HS6ST3: variants seen among roughly 807,000 people sequenced by gnomAD.
HS6ST3 encodes the protein heparan-sulfate 6-O-sulfotransferase 3.
HS6ST3 carries 12 observed loss-of-function variants against 36.7 expected under a neutral mutation model. The observed-to-expected ratio is 0.33, with a 90% CI of 0.21 to 0.53. The LOEUF is 0.53. HS6ST3 is among the 20% of genes least tolerant of loss of function. The pLI is 0.95. For missense variants in HS6ST3, 584 were observed against 640.9 expected (o/e 0.91, Z 0.96); for synonymous variants, 240 against 257.5 (o/e 0.93, Z 0.65).
chr13:96,746,198 T>C (rs1457424612), intron 1 of HS6ST3, among the ~76,000 whole-genome samples: 1 of 152,086 alleles, frequency 6.6e-6, no homozygotes, highest in Non-Finnish European at 1.5e-5. Flanking sequence ...TATCTAACCT[T>C]CTTAATAACC....
At chr13:96,827,948 G>A (rs1274793798) in intron 1 of HS6ST3, among the ~76,000 whole-genome samples, 1 of 152,166 alleles carries the variant, frequency 6.6e-6, no homozygotes, top group Admixed American at 6.5e-5. Flanking sequence ...ATAATGGCAT[G>A]CCATATGATA....
chr13:96,176,660 C>T (rs538729409), intron 1 of HS6ST3, among the ~76,000 whole-genome samples: 12 of 152,216 alleles, frequency 7.9e-5, no homozygotes, highest in African/African-American at 2.9e-4. Flanking sequence ...CCACAAAATC[C>T]AAACTTTGAG....
chr13:96,194,123 G>A (rs528165111), intron 1 of HS6ST3, among the ~76,000 whole-genome samples: 32 of 152,150 alleles, frequency 2.1e-4, no homozygotes, highest in Admixed American at 1.7e-3. Flanking sequence ...CAAAGCCCTC[G>A]TCTCCCTTAT....
intron 1 of HS6ST3, among the ~76,000 whole-genome samples, chr13:96,516,643 A>G (rs1187907023): frequency 1.3e-5 from 2 of 152,232 alleles, no homozygotes; most frequent in Non-Finnish European, 2.9e-5. Flanking sequence ...ATAAAACAGC[A>G]GAAAACTCTT....
At chr13:96,756,934 T>A (rs887059642) in intron 1 of HS6ST3, among the ~76,000 whole-genome samples, 1 of 152,202 alleles carries the variant, frequency 6.6e-6, no homozygotes, top group Admixed American at 6.5e-5. Context: ...ATTTCTTTTC[T>A]TACAGTTTAT....
intron 1 of HS6ST3, among the ~76,000 whole-genome samples, chr13:96,627,760 T>A (rs2056518203): frequency 6.6e-6 from 1 of 151,936 alleles, no homozygotes; most frequent in African/African-American, 2.4e-5. Flanking sequence ...TTTGATGAGT[T>A]GTGTGTTCTA....
intron 1 of HS6ST3, among the ~76,000 whole-genome samples, chr13:96,342,446 A>G (rs2055135479): frequency 6.6e-6 from 1 of 152,234 alleles, no homozygotes; most frequent in African/African-American, 2.4e-5. Context: ...ACACATTCAT[A>G]GAGTTCCCCC....
At chr13:96,477,589 C>T (rs1212163213) in intron 1 of HS6ST3, among the ~76,000 whole-genome samples, 1 of 152,100 alleles carries the variant, frequency 6.6e-6, no homozygotes, top group African/African-American at 2.4e-5. Context: ...GTGTTACCGG[C>T]CGGGCACGGT....
chr13:96,411,952 A>T (rs1337327364), intron 1 of HS6ST3, among the ~76,000 whole-genome samples: 1 of 152,064 alleles, frequency 6.6e-6, no homozygotes, highest in Non-Finnish European at 1.5e-5. Context: ...GGAGAAGCAG[A>T]TTAGGAAATA....
At chr13:96,398,160 C>T (rs1392122722) in intron 1 of HS6ST3, among the ~76,000 whole-genome samples, 3 of 152,266 alleles carry the variant, frequency 2.0e-5, no homozygotes, top group Admixed American at 6.5e-5. Context: ...AAGCCCACTG[C>T]GTAGGAAGTG....
chr13:96,091,861 C>T (rs1036289472), intron 1 of HS6ST3, among the ~76,000 whole-genome samples: 3 of 152,162 alleles, frequency 2.0e-5, no homozygotes, highest in African/African-American at 7.2e-5. Context: ...CCTGGCCTCC[C>T]TCCCAGTGGA....
intron 1 of HS6ST3, among the ~76,000 whole-genome samples, chr13:96,103,867 C>T (rs567856052): frequency 3.3e-5 from 5 of 151,940 alleles, no homozygotes; most frequent in African/African-American, 1.2e-4. Flanking sequence ...TCATAAATGA[C>T]TTATCTAAGT....
At chr13:96,108,246 A>G (rs1472168075) in intron 1 of HS6ST3, among the ~76,000 whole-genome samples, 1 of 152,166 alleles carries the variant, frequency 6.6e-6, no homozygotes, top group Non-Finnish European at 1.5e-5. Flanking sequence ...ATAGGGATGA[A>G]ACACACCCTA....
intron 1 of HS6ST3, among the ~76,000 whole-genome samples, chr13:96,711,996 T>C (rs1875574698): frequency 6.6e-6 from 1 of 152,226 alleles, no homozygotes; most frequent in Non-Finnish European, 1.5e-5. Context: ...TTTCTTATAA[T>C]GATTCTCTGC....
intron 1 of HS6ST3, among the ~76,000 whole-genome samples, chr13:96,663,433 A>G (rs2056653362): frequency 6.6e-6 from 1 of 152,190 alleles, no homozygotes; most frequent in Admixed American, 6.5e-5. Flanking sequence ...AGGGAATGCA[A>G]ATTAAAGCCA....
chr13:96,436,649 C>A (rs1021308587), intron 1 of HS6ST3, among the ~76,000 whole-genome samples: 1 of 152,114 alleles, frequency 6.6e-6, no homozygotes, highest in Non-Finnish European at 1.5e-5. Context: ...GAAGAAATTT[C>A]ATCATATAAA....
intron 1 of HS6ST3, among the ~76,000 whole-genome samples, chr13:96,369,211 C>T (rs568193254): frequency 1.1e-4 from 16 of 152,190 alleles, no homozygotes; most frequent in Admixed American, 2.0e-4. Flanking sequence ...AGTGGGGTCA[C>T]GCCCTCTTGC....
intron 1 of HS6ST3, among the ~76,000 whole-genome samples, chr13:96,701,557 T>G (rs1875285415): frequency 6.6e-6 from 1 of 152,188 alleles, no homozygotes; most frequent in African/African-American, 2.4e-5. Context: ...CAAAATTTAA[T>G]ACTTAGAGCA....
intron 1 of HS6ST3, among the ~76,000 whole-genome samples, chr13:96,706,832 T>C (rs1180230326): frequency 6.6e-6 from 1 of 152,098 alleles, no homozygotes; most frequent in Admixed American, 6.6e-5. Flanking sequence ...ATTGTACCAA[T>C]AGATAAGATT....
Sources: gnomAD v4.1 joint callset for allele counts (sites outside exome capture counted in the v4.1 genomes callset) on GRCh38, gnomAD v4.1.1 for gene constraint, MANE v1.5 for transcripts, NCBI Gene and HGNC (gene_info 2026-07-23, HGNC 2026-07-21) for gene names.